Variants in CACNG2 observed in about 807,000 individuals in gnomAD.
CACNG2 encodes the protein calcium voltage-gated channel auxiliary subunit gamma 2.
In CACNG2, 3 loss-of-function variants were observed where a neutral mutation model predicts 25.9. The observed-to-expected ratio is 0.12, with a 90% confidence interval of 0.05 to 0.30. The LOEUF is 0.30. Among genes scored for constraint, CACNG2 ranks in the 10% least tolerant of loss-of-function variants. The probability of loss-of-function intolerance (pLI) is 1.00; values close to 1 mark genes in which losing one functional copy is unlikely to be tolerated. For missense variants in CACNG2, 341 were observed against 432.5 expected, an observed-to-expected ratio of 0.79 and a Z score of 1.88; for synonymous variants, 167 against 173.3, an observed-to-expected ratio of 0.96 and a Z score of 0.29.
intron 1 of CACNG2, among the ~76,000 whole-genome samples, chr22:36,643,757 G>A (rs1826884883): frequency 6.6e-6 from 1 of 152,148 alleles, no homozygotes; most frequent in Admixed American, 6.6e-5. Context: ...TGTTCAAGAA[G>A]GGGCATCACC....
Position 36,689,662 on chromosome 22 carries a change from G to C in CACNG2, c.211+12704C>G, listed in dbSNP as rs144427503. 2.6e-5 allele frequency among the ~76,000 whole-genome samples: 4 copies of C among 152,322 alleles called. No homozygotes were observed. The East Asian group carries it at 7.7e-4, about 29-fold the overall frequency. On this transcript the variant is annotated intron_variant, in intron 1 of 3. Coordinates refer to ENST00000300105, the MANE Select transcript of CACNG2 (RefSeq NM_006078.5). ...CTTCTCCATGAAGCTTTCCAAGGTA[G>C]AAATGAGAAGTAGTAAATCTCTCGG... is the stretch of plus-strand genomic sequence containing the variant.
intron 1 of CACNG2, among the ~76,000 whole-genome samples, chr22:36,681,171 A>G (rs904240209): frequency 6.6e-6 from 1 of 152,052 alleles, no homozygotes; most frequent in African/African-American, 2.4e-5. Flanking sequence ...TTGTATTTCC[A>G]TGGCTCTTCC....
chr22:36,650,275 C>T lies in CACNG2; in HGVS notation c.211+52091G>A, dbSNP rs1044839077. Among the ~76,000 whole-genome samples, 3 of 152,170 alleles carry T rather than the reference C, an allele frequency of 2.0e-5. No individual in the cohort carries two copies. In the East Asian group the frequency reaches 5.8e-4, roughly 29 times the overall value. On this transcript the variant is annotated intron_variant, in intron 1 of 3. Transcript: ENST00000300105. ...CAGTGGCCTATAAGGCCCCATGTGA[C>T]ATGCCTCCCTTCACCCTGATACCTC...
intron 1 of CACNG2, among the ~76,000 whole-genome samples, chr22:36,589,525 A>G (rs1212824059): frequency 6.6e-6 from 1 of 152,160 alleles, no homozygotes; most frequent in Non-Finnish European, 1.5e-5. Context: ...GGAAAAGAGG[A>G]ATCTCTGTAA....
chr22:36,692,612 T>G (rs948976211), intron 1 of CACNG2, among the ~76,000 whole-genome samples: 6 of 152,024 alleles, frequency 3.9e-5, no homozygotes, highest in Non-Finnish European at 7.4e-5. Flanking sequence ...ATGCCTGGAG[T>G]TTTTGTTTAA....
At chr22:36,597,871 G>A (rs1473847054) in intron 1 of CACNG2, among the ~76,000 whole-genome samples, 1 of 152,228 alleles carries the variant, frequency 6.6e-6, no homozygotes, top group East Asian at 1.9e-4. Context: ...TAGCGAGGCT[G>A]TCAAGCACCT....
In CACNG2 at chr22:36,649,111, A is replaced by G. The variant is rs111362294; in HGVS notation, c.211+53255T>C. Among the ~76,000 whole-genome samples the G allele has an allele frequency of 3.5e-4, 54 of 152,258 alleles. 1 individual carries two copies. The East Asian group carries it at 6.2e-3, about 17-fold the overall frequency. Reference sequence around the variant, plus strand: ...TCACTTTGGGTCTTCCCAACTAGACATCATCACTTCAGATGTCTTAATGGT... The same window carrying G: ...TCACTTTGGGTCTTCCCAACTAGACGTCATCACTTCAGATGTCTTAATGGT... On this transcript the variant is annotated intron_variant, in intron 1 of 3. Transcript: ENST00000300105.
intron 1 of CACNG2, among the ~76,000 whole-genome samples, chr22:36,638,351 A>G (rs1936390973): frequency 6.6e-6 from 1 of 152,070 alleles, no homozygotes; most frequent in Non-Finnish European, 1.5e-5. Context: ...AATCCAGGAC[A>G]CTTATTGAGG....
At chr22:36,594,902 GTGTGTGCATGTGTGTGTC>G (rs1569023920) in intron 1 of CACNG2, among the ~76,000 whole-genome samples, 15 of 151,696 alleles carry the variant, frequency 9.9e-5, no homozygotes, top group African/African-American at 3.6e-4. Flanking sequence ...ACATGGGTGT[GTGTGTGCATGTGTGTGTC>G]TGTGTGTGCA....
At chr22:36,567,247 T>G (rs777839415) in intron 2 of CACNG2, among the ~76,000 whole-genome samples, 3 of 152,256 alleles carry the variant, frequency 2.0e-5, no homozygotes, top group Non-Finnish European at 2.9e-5. Context: ...GTGTCTATAA[T>G]AAACATTCAA....
chr22:36,583,777 C>CA (rs1368603047), intron 2 of CACNG2, among the ~76,000 whole-genome samples: 1 of 152,164 alleles, frequency 6.6e-6, no homozygotes, highest in African/African-American at 2.4e-5. Context: ...ACTACCACAG[C>CA]AGCCAGGCTG....
At chr22:36,637,688 C>T (rs1421861276) in intron 1 of CACNG2, among the ~76,000 whole-genome samples, 2 of 152,230 alleles carry the variant, frequency 1.3e-5, no homozygotes, top group African/African-American at 4.8e-5. Context: ...CTGCCTAAAA[C>T]CACACAGCCA....
intron 1 of CACNG2, among the ~76,000 whole-genome samples, chr22:36,626,650 T>C (rs1385755184): frequency 6.6e-6 from 1 of 152,196 alleles, no homozygotes; most frequent in East Asian, 1.9e-4. Context: ...GAGGAGCTTT[T>C]TAAAGAGTCG....
rs551253787 is a variant in CACNG2, at chr22:36,596,420, GT to G, written c.212-8873del. 9.8e-5 allele frequency among the ~76,000 whole-genome samples: 15 copies of G among 152,320 alleles called. 1 individual carries two copies. The East Asian group carries it at 2.9e-3, about 29-fold the overall frequency. On this transcript the variant is annotated intron_variant, in intron 1 of 3. Transcript: ENST00000300105. The stretch of plus-strand genomic sequence containing the variant: ...CAACAGAACGTGTGGCATCCTATGA[GT>G]TTGATCGTTCTCTCGTTCGTTCATT...
intron 1 of CACNG2, among the ~76,000 whole-genome samples, chr22:36,600,698 C>T (rs1399114095): frequency 6.6e-6 from 1 of 152,024 alleles, no homozygotes; most frequent in Admixed American, 6.6e-5. Flanking sequence ...AGACACGCAC[C>T]ACCAAGCTTG....
Position 36,702,295 on chromosome 22 carries a change from G to A in CACNG2, c.211+71C>T. 3 of 932,196 alleles carry A rather than the reference G, an allele frequency of 3.2e-6. No homozygotes were observed. In the South Asian group the frequency reaches 4.4e-5, roughly 14 times the overall value. The allele number at this position is 932,196 out of a possible 1,614,324, so 57.7% of individuals were successfully genotyped here. The stretch of plus-strand genomic sequence containing the variant: ...GAATGTAAAGGGGACTTATTTGGAG[G>A]AGGGTGGGGAGGGGGGAGTGAAAGG... On this transcript the variant is annotated intron_variant, in intron 1 of 3. Coordinates refer to ENST00000300105, the MANE Select transcript of CACNG2 (RefSeq NM_006078.5).
intron 1 of CACNG2, among the ~76,000 whole-genome samples, chr22:36,659,819 G>A (rs1733130066): frequency 2.6e-5 from 4 of 152,032 alleles, no homozygotes; most frequent in Non-Finnish European, 4.4e-5. Flanking sequence ...ATATCTGCGC[G>A]GCCCCTCCCC....
At chr22:36,653,327 A>AAAAAC (rs1200662558) in intron 1 of CACNG2, among the ~76,000 whole-genome samples, 3 of 152,214 alleles carry the variant, frequency 2.0e-5, no homozygotes, top group South Asian at 2.1e-4. Flanking sequence ...TCAGTCTCAA[A>AAAAAC]AAAACAAAAG....
At chr22:36,656,265 C>T (rs969302559) in intron 1 of CACNG2, among the ~76,000 whole-genome samples, 1 of 152,100 alleles carries the variant, frequency 6.6e-6, no homozygotes, top group South Asian at 2.1e-4. Context: ...TGGTATTGGG[C>T]CCTTGCAGTT....
Sources: allele counts gnomAD v4.1 joint callset (sites outside exome capture counted in the v4.1 genomes callset), GRCh38; gene constraint gnomAD v4.1.1; transcripts MANE v1.5; gene names NCBI Gene and HGNC (gene_info 2026-07-23, HGNC 2026-07-21).